The following ROBO1 variants were observed in gnomAD, a reference collection of about 807,000 sequenced individuals.
ROBO1 encodes the protein roundabout homolog 1.
Under a neutral mutation model 195.9 loss-of-function variants are expected in ROBO1, and 149 were observed. The ratio of observed to expected loss-of-function variants is 0.76; its 90% CI spans 0.67 to 0.87. The LOEUF is 0.87. ROBO1 is among the 40% of genes least tolerant of loss of function. The pLI is 0.00. For missense variants in ROBO1, 1,933 were observed against 2,068.3 expected (o/e 0.93, Z 1.27); for synonymous variants, 816 against 733.2 (o/e 1.11, Z -1.82).
chr3:78,959,978 G>C (rs918332787), intron 3 of ROBO1, among the ~76,000 whole-genome samples: 56 of 152,150 alleles, frequency 3.7e-4, no homozygotes, highest in African/African-American at 1.3e-3. Context: ...TTGTAAGATT[G>C]AAAAAACAGC....
chr3:78,637,991 G>A (rs1705634959), intron 22 of ROBO1, among the ~76,000 whole-genome samples: 1 of 148,930 alleles, frequency 6.7e-6, no homozygotes, highest in East Asian at 2.0e-4. Context: ...TTTTGGGGGG[G>A]GGAGGGGTTG....
chr3:78,866,300 C>G (rs187584723), intron 4 of ROBO1, among the ~76,000 whole-genome samples: 66 of 152,180 alleles, frequency 4.3e-4, no homozygotes, highest in African/African-American at 1.4e-3. Flanking sequence ...TTTATAAATA[C>G]TAATATTTGT....
chr3:79,020,810 T>C (rs1480476541), intron 3 of ROBO1, among the ~76,000 whole-genome samples: 8 of 152,032 alleles, frequency 5.3e-5, no homozygotes, highest in Non-Finnish European at 8.8e-5. Flanking sequence ...TCAAAAAAAA[T>C]TATTTGGTGT....
intron 2 of ROBO1, among the ~76,000 whole-genome samples, chr3:79,277,361 C>T (rs1013389260): frequency 6.6e-6 from 1 of 151,944 alleles, no homozygotes; most frequent in African/African-American, 2.4e-5. Context: ...GTGAAGTAAG[C>T]CAGGCACAGA....
At chr3:78,986,781 G>GGA (rs1559561039) in intron 3 of ROBO1, among the ~76,000 whole-genome samples, 1 of 152,038 alleles carries the variant, frequency 6.6e-6, no homozygotes, top group East Asian at 1.9e-4. Context: ...GGGGTTGACG[G>GGA]GGGAAAAAAG....
chr3:79,214,543 A>G (rs1349127786), intron 2 of ROBO1, among the ~76,000 whole-genome samples: 1 of 152,056 alleles, frequency 6.6e-6, no homozygotes, highest in Non-Finnish European at 1.5e-5. Context: ...TAATGCATAT[A>G]AAGTTTTTCA....
At chr3:78,840,743 T>G (rs2033128979) in intron 4 of ROBO1, among the ~76,000 whole-genome samples, 1 of 152,210 alleles carries the variant, frequency 6.6e-6, no homozygotes, top group South Asian at 2.1e-4. Context: ...GCAAGCTTTC[T>G]AATTCTACTA....
chr3:79,016,782 A>G (rs954450365), intron 3 of ROBO1, among the ~76,000 whole-genome samples: 1 of 152,226 alleles, frequency 6.6e-6, no homozygotes, highest in Admixed American at 6.5e-5. Context: ...ACTTCACTTT[A>G]CACACGTAAA....
chr3:78,770,325 G>A (rs1384996804), intron 4 of ROBO1, among the ~76,000 whole-genome samples: 2 of 152,160 alleles, frequency 1.3e-5, no homozygotes, highest in Non-Finnish European at 2.9e-5. Context: ...CATTCAGAAT[G>A]GTGTGAGATG....
intron 1 of ROBO1, among the ~76,000 whole-genome samples, chr3:79,659,507 T>C (rs895426136): frequency 1.3e-5 from 2 of 152,046 alleles, no homozygotes; most frequent in Non-Finnish European, 1.5e-5. Context: ...CGTTTCCTTA[T>C]TGGATAAGAC....
chr3:79,098,842 C>T (rs1257681638), intron 3 of ROBO1, among the ~76,000 whole-genome samples: 1 of 151,474 alleles, frequency 6.6e-6, no homozygotes, highest in Non-Finnish European at 1.5e-5. Flanking sequence ...TTGTCACTGT[C>T]GAAGATGGCC....
At chr3:78,657,694 C>T (rs867596935) in intron 17 of ROBO1, among the ~76,000 whole-genome samples, 1 of 152,130 alleles carries the variant, frequency 6.6e-6, no homozygotes, top group African/African-American at 2.4e-5. Context: ...ACCCAGATGA[C>T]CAGATATTGT....
chr3:78,794,779 G>A lies in ROBO1; in HGVS notation c.500-47879C>T, dbSNP rs2084133708. On this transcript the variant is annotated intron_variant, in intron 4 of 30. Transcript: ENST00000464233. Reference sequence around the variant, plus strand: ...TGTATTTTAATAAAGACAGAGTTTTGCCATATTGCCCAGGCTGGTCTCAAG... The same window carrying A: ...TGTATTTTAATAAAGACAGAGTTTTACCATATTGCCCAGGCTGGTCTCAAG... 2.0e-5 allele frequency among the ~76,000 whole-genome samples: 3 copies of A among 151,950 alleles called. No individual in the cohort carries two copies. In the South Asian group the frequency reaches 6.2e-4, roughly 32 times the overall value.
chr3:79,307,973 A>G (rs537815426), intron 2 of ROBO1, among the ~76,000 whole-genome samples: 6 of 152,290 alleles, frequency 3.9e-5, no homozygotes, highest in South Asian at 2.1e-4. Context: ...TATTATCTTC[A>G]TAACATTGAG....
At chr3:79,367,205 T>A (rs190206938) in intron 2 of ROBO1, among the ~76,000 whole-genome samples, 12 of 152,266 alleles carry the variant, frequency 7.9e-5, no homozygotes, top group African/African-American at 2.9e-4. Flanking sequence ...ACATAGTATG[T>A]TATTTTTTTT....
At chr3:79,190,257 G>A (rs1467570848) in intron 2 of ROBO1, among the ~76,000 whole-genome samples, 3 of 151,592 alleles carry the variant, frequency 2.0e-5, no homozygotes, top group Non-Finnish European at 4.4e-5. Flanking sequence ...ATCCCTTAAT[G>A]GAATGTTGTC....
At chr3:79,433,215 C>G (rs983031751) in intron 2 of ROBO1, among the ~76,000 whole-genome samples, 1 of 151,908 alleles carries the variant, frequency 6.6e-6, no homozygotes, top group African/African-American at 2.4e-5. Context: ...GTGTGTTTTA[C>G]CCCCTCCTCA....
chr3:79,649,617 TGATATCTAATTATAGGTGTC>T (rs1288664338), intron 1 of ROBO1, among the ~76,000 whole-genome samples: 13 of 152,134 alleles, frequency 8.5e-5, no homozygotes, highest in Admixed American at 3.9e-4. Flanking sequence ...TGAATTAATG[TGATATCTAATTATAGGTGTC>T]AACTTGAATG....
chr3:79,485,861 C>T (rs76120812), intron 2 of ROBO1, among the ~76,000 whole-genome samples: 1,558 of 152,286 alleles, frequency 0.01, 8 homozygotes, highest in Non-Finnish European at 0.017. Flanking sequence ...TTTTACCTAT[C>T]TTTGAAGACG....
Sources: gnomAD v4.1 joint callset for allele counts (sites outside exome capture counted in the v4.1 genomes callset) on GRCh38, gnomAD v4.1.1 for gene constraint, MANE v1.5 for transcripts, NCBI Gene and HGNC (gene_info 2026-07-23, HGNC 2026-07-21) for gene names.